Variants in ARHGEF7 observed in about 807,000 individuals in gnomAD.
The protein encoded by ARHGEF7 is PAK-interacting exchange factor beta.
Under a neutral mutation model 109.8 loss-of-function variants are expected in ARHGEF7, and 33 were observed. That is an observed-to-expected ratio of 0.30 (90% CI 0.23 to 0.40). The LOEUF is 0.40. Among genes scored for constraint, ARHGEF7 ranks in the 10% least tolerant of loss-of-function variants. The pLI, the probability that ARHGEF7 is intolerant of heterozygous loss-of-function variation, is 1.00. For missense variants in ARHGEF7, 938 were observed against 1,098.5 expected, an observed-to-expected ratio of 0.85 and a Z score of 2.07; for synonymous variants, 458 against 424.6, an observed-to-expected ratio of 1.08 and a Z score of -0.97.
Position 111,244,179 on chromosome 13 carries a change from G to A in ARHGEF7, c.855-20G>A. On this transcript the variant is annotated intron_variant, in intron 7 of 21. Coordinates refer to ENST00000646102, the MANE Select transcript of ARHGEF7 (RefSeq NM_001354046.2). ...ATAAAACTGTTTACATATGTTTACT[G>A]TTATTTTTCTTGGCTCTAGGTTAAG... 6.5e-7 allele frequency: 1 copy of A among 1,527,688 alleles called. No homozygotes were observed. Among genetic ancestry groups the A allele is most frequent in the Non-Finnish European group, 9.0e-7 (1 of 1,112,782 alleles). 94.6% of individuals were successfully genotyped at this position (1,527,688 alleles called of 1,614,324 possible).
intron 1 of ARHGEF7, among the ~76,000 whole-genome samples, chr13:111,127,088 A>G (rs1356403904): frequency 6.6e-6 from 1 of 152,236 alleles, no homozygotes; most frequent in East Asian, 1.9e-4. Context: ...AGGAATCACC[A>G]CAGATCTTAC....
chr13:111,204,222 G>A (rs1297163353), intron 2 of ARHGEF7, among the ~76,000 whole-genome samples: 1 of 152,180 alleles, frequency 6.6e-6, no homozygotes. Context: ...TAGAGGTGTG[G>A]GGAGAGGGCA....
intron 8 of ARHGEF7, among the ~76,000 whole-genome samples, chr13:111,250,266 A>G (rs181498168): frequency 6.6e-6 from 1 of 152,258 alleles, no homozygotes; most frequent in Admixed American, 6.5e-5. Flanking sequence ...TGAGGTTGTG[A>G]TAGCTGGAAT....
At chr13:111,179,299 G>A (rs1401279237) in intron 2 of ARHGEF7, among the ~76,000 whole-genome samples, 2 of 152,038 alleles carry the variant, frequency 1.3e-5, no homozygotes, top group East Asian at 1.9e-4. Context: ...GACCAGGCTG[G>A]TCTTGAACTC....
chr13:111,283,112 G>T (rs1567073826), intron 15 of ARHGEF7, 27 bp from the exon 16 acceptor site: 1 of 1,560,956 alleles, frequency 6.4e-7, no homozygotes, highest in South Asian at 1.2e-5. Flanking sequence ...CATGTTCTCT[G>T]CCCTTCCCGC....
chr13:111,227,922 A>G (rs1485908224), intron 5 of ARHGEF7, among the ~76,000 whole-genome samples: 2 of 152,194 alleles, frequency 1.3e-5, no homozygotes, highest in African/African-American at 2.4e-5. Flanking sequence ...TGCATTGTCA[A>G]GGTTGTTCAC....
At chr13:111,171,055 A>G (rs1157549929) in intron 2 of ARHGEF7, among the ~76,000 whole-genome samples, 1 of 152,178 alleles carries the variant, frequency 6.6e-6, no homozygotes, top group Non-Finnish European at 1.5e-5. Context: ...TTCTTTTTTT[A>G]AAATTATTGT....
intron 13 of ARHGEF7, 140 bp from the exon 14 acceptor site, chr13:111,280,129 TCTG>T: frequency 1.3e-6 from 1 of 773,132 alleles, no homozygotes; most frequent in Non-Finnish European, 2.1e-6. Context: ...TATACACACA[TCTG>T]CTACAAATGA....
At chr13:111,117,564 T>C (rs896073555) in intron 1 of ARHGEF7, among the ~76,000 whole-genome samples, 3 of 152,238 alleles carry the variant, frequency 2.0e-5, no homozygotes, top group Non-Finnish European at 2.9e-5. Flanking sequence ...GGTAGGTTTT[T>C]GGAGTAAAAT....
chr13:111,291,689 T>G (rs1398538828), intron 18 of ARHGEF7, among the ~76,000 whole-genome samples: 2 of 152,264 alleles, frequency 1.3e-5, no homozygotes, highest in Non-Finnish European at 2.9e-5. Flanking sequence ...GCCACATAAA[T>G]GGCACCTTTC....
At chr13:111,142,595 T>C (rs2075398677) in intron 1 of ARHGEF7, among the ~76,000 whole-genome samples, 1 of 152,250 alleles carries the variant, frequency 6.6e-6, no homozygotes, top group Non-Finnish European at 1.5e-5. Flanking sequence ...GAGGCTTTTA[T>C]AGCCCACAAG....
At chr13:111,282,938 G>A (rs2092848110) in intron 15 of ARHGEF7, 8 of 761,654 alleles carry the variant, frequency 1.1e-5, no homozygotes, top group South Asian at 3.7e-5. Flanking sequence ...GGAGCCCCAC[G>A]CTCGGCCCAG....
At chr13:111,212,742 A>C (rs1285711107) in intron 4 of ARHGEF7, among the ~76,000 whole-genome samples, 1 of 152,214 alleles carries the variant, frequency 6.6e-6, no homozygotes, top group African/African-American at 2.4e-5. Context: ...AATGTATTGT[A>C]CACATTGTTA....
At chr13:111,221,494 TATATATATC>T (rs2084228689) in intron 5 of ARHGEF7, among the ~76,000 whole-genome samples, 1 of 59,192 alleles carries the variant, frequency 1.7e-5, no homozygotes, top group Non-Finnish European at 3.5e-5. Context: ...TATATAGACA[TATATATATC>T]TATATATATA....
In ARHGEF7 at chr13:111,145,039, T is replaced by A. The variant is rs1321153684; in HGVS notation, c.166-8866T>A. On this transcript the variant is annotated intron_variant, in intron 1 of 21. Transcript: ENST00000646102. This position sits in a 1 kb window ranked among gnomAD's most constrained non-coding sequence, Gnocchi z 4.3. ...TACATACATTTTCTTCTTGCTTTTTTTTTTTAAAAACACAAAAGGTAGATA... is the reference window on the plus strand; with the variant it reads ...TACATACATTTTCTTCTTGCTTTTTATTTTTAAAAACACAAAAGGTAGATA... Among the ~76,000 whole-genome samples the A allele has an allele frequency of 6.6e-6, 1 of 151,810 alleles. No individual in the cohort carries two copies. Among genetic ancestry groups the A allele is most frequent in the Admixed American group, 6.6e-5 (1 of 15,232 alleles).
intron 6 of ARHGEF7, among the ~76,000 whole-genome samples, chr13:111,234,379 G>A (rs192899184): frequency 5.3e-5 from 8 of 152,312 alleles, no homozygotes; most frequent in Non-Finnish European, 1.2e-4. Context: ...GCATCGTACT[G>A]CAGGACAGAC....
chr13:111,215,843 C>G (rs1276269555), intron 4 of ARHGEF7, among the ~76,000 whole-genome samples: 1 of 152,140 alleles, frequency 6.6e-6, no homozygotes, highest in Admixed American at 6.5e-5. Flanking sequence ...GAGCCGCCTT[C>G]CATTGTCACC....
chr13:111,223,935 C>T (rs915067290), intron 5 of ARHGEF7, among the ~76,000 whole-genome samples: 1 of 151,228 alleles, frequency 6.6e-6, no homozygotes, highest in African/African-American at 2.4e-5. Context: ...CAGCTCACTG[C>T]AACCTCCACC....
At chr13:111,206,085 G>T (rs7324170) in intron 3 of ARHGEF7, among the ~76,000 whole-genome samples, 136,015 of 152,042 alleles carry the variant, frequency 0.89, 60,881 homozygotes, top group Admixed American at 0.93. Context: ...TTGCTTTTTT[G>T]GTCTTATTAG....
Sources: gnomAD v4.1 joint callset for allele counts (sites outside exome capture counted in the v4.1 genomes callset) on GRCh38, gnomAD v4.1.1 for gene constraint, Gnocchi (gnomAD v3.1) non-coding constraint, MANE v1.5 for transcripts, NCBI Gene and HGNC (gene_info 2026-07-23, HGNC 2026-07-21) for gene names.